The following CTNNA2 variants were observed in gnomAD, a reference collection of about 807,000 sequenced individuals.
The protein encoded by CTNNA2 is catenin alpha 2, also known as catenin alpha-2.
In CTNNA2, 42 loss-of-function variants were observed where a neutral mutation model predicts 101.0. The observed-to-expected ratio is 0.42, with a 90% CI of 0.32 to 0.54. CTNNA2 has a LOEUF of 0.54. Among genes scored for constraint, CTNNA2 ranks in the 20% least tolerant of loss-of-function variants. The pLI, the probability that CTNNA2 is intolerant of heterozygous loss-of-function variation, is 0.14. For synonymous variants in CTNNA2, 450 were observed against 456.4 expected (o/e 0.99, Z 0.18); for missense variants, 871 against 1,223.1 (o/e 0.71, Z 4.29).
rs753802603 is a variant in CTNNA2, at chr2:80,596,686, G to A, written c.2189+7201G>A. Among the ~76,000 whole-genome samples the A allele has an allele frequency of 4.3e-4, 65 of 152,094 alleles. 1 individual carries two copies. The highest frequency in any genetic ancestry group is 3.9e-4 in the East Asian group (2 of 5,138). On this transcript the variant is annotated intron_variant, in intron 15 of 18. Transcript: ENST00000402739. ...AATTTGACTTCTTTTCTTTCTATTT[G>A]AATACACTTTATTTCTTTTTGTTGC...
At chr2:80,345,202 T>C (rs1212131807) in intron 7 of CTNNA2, among the ~76,000 whole-genome samples, 1 of 152,210 alleles carries the variant, frequency 6.6e-6, no homozygotes, top group Admixed American at 6.5e-5. Context: ...GCCACATCTG[T>C]GGCCCCCTCC....
chr2:80,333,340 C>T (rs548813714), intron 7 of CTNNA2, among the ~76,000 whole-genome samples: 47 of 152,218 alleles, frequency 3.1e-4, no homozygotes, highest in African/African-American at 1.1e-3. Flanking sequence ...ATGGTGGATC[C>T]TGCGTTGGGC....
At chr2:79,250,290 C>G (rs560848442) in intron 2 of CTNNA2, among the ~76,000 whole-genome samples, 9 of 152,122 alleles carry the variant, frequency 5.9e-5, no homozygotes, top group Middle Eastern at 3.4e-3. Flanking sequence ...AAAAAGCAAG[C>G]CTTTTCCTAA....
intron 7 of CTNNA2, among the ~76,000 whole-genome samples, chr2:80,089,079 C>G (rs1699622030): frequency 6.6e-6 from 1 of 152,004 alleles, no homozygotes; most frequent in African/African-American, 2.4e-5. Flanking sequence ...ATTATCCTCT[C>G]CAGGAGGCCC....
At chr2:79,738,248 G>A (rs889784285) in intron 2 of CTNNA2, among the ~76,000 whole-genome samples, 2 of 152,138 alleles carry the variant, frequency 1.3e-5, no homozygotes, top group Non-Finnish European at 2.9e-5. Context: ...TTAGATTAAG[G>A]TCGAAGGACC....
intron 9 of CTNNA2, 60 bp from the exon 10 acceptor site, chr2:80,544,922 G>A: frequency 1.4e-6 from 2 of 1,425,968 alleles, no homozygotes; most frequent in South Asian, 1.2e-5. Flanking sequence ...CCAAGGCGGA[G>A]CAACAGTATA....
chr2:80,578,614 G>T (rs1281612986), intron 13 of CTNNA2, among the ~76,000 whole-genome samples: 1 of 152,206 alleles, frequency 6.6e-6, no homozygotes, highest in Non-Finnish European at 1.5e-5. Flanking sequence ...GGATGGGTTT[G>T]TTGCGTGTTT....
At chr2:80,562,861 T>C (rs761689127) in intron 12 of CTNNA2, among the ~76,000 whole-genome samples, 4 of 152,190 alleles carry the variant, frequency 2.6e-5, no homozygotes, top group South Asian at 2.1e-4. Context: ...AGGTAAATTA[T>C]ATAACACAGG....
intron 3 of CTNNA2, among the ~76,000 whole-genome samples, chr2:79,368,299 A>G (rs1167169747): frequency 6.6e-6 from 1 of 152,160 alleles, no homozygotes; most frequent in African/African-American, 2.4e-5. Flanking sequence ...TTTTTCTCCT[A>G]TTCTTGTTTC....
At chr2:80,071,265 A>G (rs1698321484) in intron 7 of CTNNA2, among the ~76,000 whole-genome samples, 2 of 152,240 alleles carry the variant, frequency 1.3e-5, no homozygotes, top group South Asian at 4.1e-4. Context: ...ATTAAATGGA[A>G]GAATTGTAAC....
At chr2:80,056,814 C>T (rs1421953766) in intron 7 of CTNNA2, among the ~76,000 whole-genome samples, 1 of 152,120 alleles carries the variant, frequency 6.6e-6, no homozygotes, top group Non-Finnish European at 1.5e-5. Context: ...GTGCAGTTTC[C>T]CAAGCTGATG....
At chr2:79,760,878 TGG>T (rs754198236) in intron 3 of CTNNA2, among the ~76,000 whole-genome samples, 149 of 152,256 alleles carry the variant, frequency 9.8e-4, no homozygotes, top group Non-Finnish European at 1.7e-3. Context: ...ATGGAGGCTG[TGG>T]GGTGTAGATA....
intron 3 of CTNNA2, among the ~76,000 whole-genome samples, chr2:79,839,654 C>T (rs1337744533): frequency 2.6e-5 from 4 of 151,834 alleles, no homozygotes; most frequent in African/African-American, 9.7e-5. Context: ...ATTTCTTCAG[C>T]TATCTTCTAG....
intron 3 of CTNNA2, among the ~76,000 whole-genome samples, chr2:79,336,341 C>A: frequency 6.6e-6 from 1 of 152,160 alleles, no homozygotes; most frequent in Non-Finnish European, 1.5e-5. Flanking sequence ...CCCTGTTACA[C>A]CCAGCCTTTA....
intron 7 of CTNNA2, among the ~76,000 whole-genome samples, chr2:79,969,057 T>C (rs975829709): frequency 6.6e-6 from 1 of 152,196 alleles, no homozygotes; most frequent in Non-Finnish European, 1.5e-5. Context: ...GGTCACACCA[T>C]CTATTAAGAG....
intron 3 of CTNNA2, among the ~76,000 whole-genome samples, chr2:79,810,391 GA>G (rs1676917540): frequency 2.0e-5 from 3 of 151,946 alleles, no homozygotes; most frequent in Non-Finnish European, 4.4e-5. Flanking sequence ...CAGTATGGGG[GA>G]AACCGCCCCA....
chr2:80,283,886 G>A (rs1477710699), intron 7 of CTNNA2, among the ~76,000 whole-genome samples: 1 of 152,108 alleles, frequency 6.6e-6, no homozygotes, highest in African/African-American at 2.4e-5. Flanking sequence ...GATAGGAGGA[G>A]AGGGAGAAGG....
intron 7 of CTNNA2, among the ~76,000 whole-genome samples, chr2:80,178,582 CA>C (rs1176496231): frequency 1.3e-5 from 2 of 152,168 alleles, no homozygotes; most frequent in African/African-American, 4.8e-5. Context: ...GAGCAGCTTG[CA>C]CAGCAGTGTG....
intron 7 of CTNNA2, among the ~76,000 whole-genome samples, chr2:80,027,248 A>C (rs2104157618): frequency 6.6e-6 from 1 of 152,320 alleles, no homozygotes; most frequent in East Asian, 1.9e-4. Flanking sequence ...CAGGTTTTCC[A>C]GTCAGAGGGT....
Sources: allele counts gnomAD v4.1 joint callset (sites outside exome capture counted in the v4.1 genomes callset), GRCh38; gene constraint gnomAD v4.1.1; transcripts MANE v1.5; gene names NCBI Gene and HGNC (gene_info 2026-07-23, HGNC 2026-07-21).